The following PRKAA2 variants were observed in gnomAD, a reference collection of about 807,000 sequenced individuals.
PRKAA2 encodes protein kinase AMP-activated catalytic subunit alpha 2, also known as 5'-AMP-activated protein kinase catalytic subunit alpha-2.
Under a neutral mutation model 56.3 loss-of-function variants are expected in PRKAA2, and 40 were observed. That is an observed-to-expected ratio of 0.71 (90% CI 0.55 to 0.92). The LOEUF is 0.92. Ranked by LOEUF, PRKAA2 falls within the 40% of genes least tolerant of loss-of-function variation. The pLI, the probability that PRKAA2 is intolerant of heterozygous loss-of-function variation, is 0.00. For missense variants in PRKAA2, 542 were observed against 686.9 expected (o/e 0.79, Z 2.36); for synonymous variants, 214 against 234.2 (o/e 0.91, Z 0.79).
chr1:56,677,367 T>C (rs1644120572), intron 2 of PRKAA2, among the ~76,000 whole-genome samples: 1 of 152,164 alleles, frequency 6.6e-6, no homozygotes, highest in South Asian at 2.1e-4. Context: ...TCTTTGCTCT[T>C]CCCCACTGAG....
intron 2 of PRKAA2, among the ~76,000 whole-genome samples, chr1:56,686,590 C>T (rs554193760): frequency 2.0e-5 from 3 of 152,172 alleles, no homozygotes; most frequent in Non-Finnish European, 4.4e-5. Flanking sequence ...CAACTGGCAG[C>T]CAGGGTGTCA....
chr1:56,669,606 G>A (rs1474862610), intron 1 of PRKAA2, among the ~76,000 whole-genome samples: 1 of 151,980 alleles, frequency 6.6e-6, no homozygotes, highest in Non-Finnish European at 1.5e-5. Context: ...CCATTTCCTG[G>A]CTTATTATTG....
chr1:56,693,674 G>A (rs907070663), intron 4 of PRKAA2, 91 bp from the exon 5 acceptor site: 1 of 758,078 alleles, frequency 1.3e-6, no homozygotes, highest in African/African-American at 1.8e-5. Flanking sequence ...ATATATGGAG[G>A]ATCCAGGACT....
intron 1 of PRKAA2, among the ~76,000 whole-genome samples, chr1:56,649,920 C>T (rs1198470620): frequency 6.6e-6 from 1 of 152,030 alleles, no homozygotes; most frequent in Non-Finnish European, 1.5e-5. Flanking sequence ...CATGGTGAAA[C>T]CTCATCTCTA....
Position 56,707,654 on chromosome 1 carries a change from A to G in PRKAA2, c.1600A>G (p.Ser534Gly). 2.5e-6 allele frequency: 4 copies of G among 1,614,046 alleles called. No individual in the cohort carries two copies. Among genetic ancestry groups the G allele is most frequent in the Non-Finnish European group, 3.4e-6 (4 of 1,179,902 alleles). ...TLSSVSPRLG[S>G]HTMDFFEMCA... The stretch of plus-strand genomic sequence containing the variant: ...GTCTTCAGTTTCACCTCGCCTGGGC[A>G]GTCACACCATGGATTTTTTTGAAAT... The change falls in exon 9 of 9, where the codon AGT becomes GGT. Residue 534 changes from serine to glycine, a missense_variant. Ser to Gly is a moderately conservative substitution (Grantham distance 56). Coordinates refer to ENST00000371244, the MANE Select transcript of PRKAA2 (RefSeq NM_006252.4).
Position 56,711,247 on chromosome 1 carries a change from A to G in PRKAA2, c.*3534A>G, listed in dbSNP as rs1644367103. On this transcript the variant is annotated 3_prime_UTR_variant, in exon 9 of 9. Coordinates refer to ENST00000371244, the MANE Select transcript of PRKAA2 (RefSeq NM_006252.4). ...GTTTGCTTTTTCTTATTCCCTAGAC[A>G]GTTTGTACTCAGGGAATACAAATTG... 1 of 152,142 alleles carries G rather than the reference A, an allele frequency of 6.6e-6. No individual in the cohort carries two copies. The highest frequency in any genetic ancestry group is 2.1e-4 in the South Asian group (1 of 4,830). 9.4% of individuals were successfully genotyped at this position (152,142 alleles called of 1,614,324 possible).
chr1:56,662,331 A>G (rs1386795647), intron 1 of PRKAA2, among the ~76,000 whole-genome samples: 1 of 152,168 alleles, frequency 6.6e-6, no homozygotes, highest in Non-Finnish European at 1.5e-5. Context: ...TTTGAGAAAA[A>G]CATATGACAG....
chr1:56,683,051 TAAG>T (rs1245267600), intron 2 of PRKAA2, among the ~76,000 whole-genome samples: 4 of 148,106 alleles, frequency 2.7e-5, no homozygotes, highest in African/African-American at 1.0e-4. Flanking sequence ...ATGGGTTAGA[TAAG>T]GAGGAGAAAG....
In PRKAA2 at chr1:56,709,383, TAATATC is replaced by T. The variant is rs1644354866; in HGVS notation, c.*1673_*1678del. 2 of 152,198 alleles carry T rather than the reference TAATATC, an allele frequency of 1.3e-5. No individual in the cohort carries two copies. Among genetic ancestry groups the T allele is most frequent in the Admixed American group, 1.3e-4 (2 of 15,272 alleles). The allele number at this position is 152,198 out of a possible 1,614,324, so 9.4% of individuals were successfully genotyped here. On this transcript the variant is annotated 3_prime_UTR_variant, in exon 9 of 9. Coordinates refer to ENST00000371244, the MANE Select transcript of PRKAA2 (RefSeq NM_006252.4). The stretch of plus-strand genomic sequence containing the variant: ...TAAATAACTTATAAGTCCAACTTCT[TAATATC>T]AAGATAAATGAATAGTTCACCAATT...
chr1:56,695,203 T>TA (rs1644251496), intron 5 of PRKAA2, among the ~76,000 whole-genome samples: 1 of 138,720 alleles, frequency 7.2e-6, no homozygotes, highest in African/African-American at 2.6e-5. Flanking sequence ...TATATATATA[T>TA]TTTTTGTTTT....
At chr1:56,681,624 A>G (rs938214787) in intron 2 of PRKAA2, among the ~76,000 whole-genome samples, 2 of 152,140 alleles carry the variant, frequency 1.3e-5, no homozygotes, top group African/African-American at 4.8e-5. Context: ...TCCTTTCCCC[A>G]TTTCTTGTTT....
chr1:56,688,029 A>G (rs570307362), intron 2 of PRKAA2, among the ~76,000 whole-genome samples: 21 of 152,298 alleles, frequency 1.4e-4, no homozygotes, highest in African/African-American at 5.1e-4. Context: ...AGTATGAGTG[A>G]TTCATGATTG....
intron 4 of PRKAA2, 143 bp downstream of exon 4, chr1:56,692,645 T>C (rs1644236166): frequency 6.9e-6 from 5 of 725,004 alleles, no homozygotes; most frequent in Non-Finnish European, 1.0e-5. Context: ...GTAGCTTTTT[T>C]TTTTCATTTA....
chr1:56,696,297 C>A, intron 6 of PRKAA2, 138 bp downstream of exon 6: 1 of 714,518 alleles, frequency 1.4e-6, no homozygotes, highest in Non-Finnish European at 2.3e-6. Flanking sequence ...TTGAACTTGT[C>A]CTTGTTTCTC....
chr1:56,692,028 ATTTTT>A (rs397863487), intron 3 of PRKAA2, among the ~76,000 whole-genome samples: 2 of 112,806 alleles, frequency 1.8e-5, no homozygotes, highest in African/African-American at 6.8e-5. Flanking sequence ...GATGTCTCAG[ATTTTT>A]TTTTTTTTTT....
Position 56,645,360 on chromosome 1 carries a change from C to T in PRKAA2, c.-28C>T, listed in dbSNP as rs745592944. Reference sequence around the variant, plus strand: ...GGCGGCGGCTACGCGGAGCGGCAGGCGGTGGAGCGAGGCCGCGCGCGCCGA... The same window carrying T: ...GGCGGCGGCTACGCGGAGCGGCAGGTGGTGGAGCGAGGCCGCGCGCGCCGA... On this transcript the variant is annotated 5_prime_UTR_variant, in exon 1 of 9. Coordinates refer to ENST00000371244, the MANE Select transcript of PRKAA2 (RefSeq NM_006252.4). 107 of 1,439,594 alleles carry T rather than the reference C, an allele frequency of 7.4e-5. No individual in the cohort carries two copies. The highest frequency in any genetic ancestry group is 2.4e-4 in the Middle Eastern group (1 of 4,192). 89.2% of individuals were successfully genotyped at this position (1,439,594 alleles called of 1,614,324 possible). A position where few individuals can be genotyped will look rare whatever the true frequency, so the allele number is the denominator to read the frequency against.
chr1:56,672,548 A>T (rs759353441), intron 1 of PRKAA2, among the ~76,000 whole-genome samples: 2 of 152,194 alleles, frequency 1.3e-5, no homozygotes, highest in African/African-American at 4.8e-5. Context: ...TGAATGACAT[A>T]ACATAAGGGT....
chr1:56,695,193 T>C (rs1482729973), intron 5 of PRKAA2, among the ~76,000 whole-genome samples: 2 of 147,546 alleles, frequency 1.4e-5, no homozygotes, highest in Non-Finnish European at 3.0e-5. Context: ...TATATATATA[T>C]ATATATATAT....
chr1:56,659,463 C>A (rs1643975789), intron 1 of PRKAA2, among the ~76,000 whole-genome samples: 1 of 147,112 alleles, frequency 6.8e-6, no homozygotes. Context: ...TGCCACCGCA[C>A]TCTAGCCTGG....
Sources: allele counts gnomAD v4.1 joint callset (sites outside exome capture counted in the v4.1 genomes callset), GRCh38; gene constraint gnomAD v4.1.1; transcripts MANE v1.5; gene names NCBI Gene and HGNC (gene_info 2026-07-23, HGNC 2026-07-21).